RIPK3: variants seen among roughly 807,000 people sequenced by gnomAD.
RIPK3 encodes the protein receptor interacting serine/threonine kinase 3, also known as receptor-interacting serine/threonine-protein kinase 3.
A neutral mutation model predicts 51.6 loss-of-function variants in RIPK3; 51 were observed. The ratio of observed to expected loss-of-function variants is 0.99; its 90% confidence interval spans 0.79 to 1.25. RIPK3 has a LOEUF of 1.25. RIPK3 is among the 50% of genes most tolerant of loss of function. The probability of loss-of-function intolerance (pLI) is 0.00; values close to 1 mark genes in which losing one functional copy is unlikely to be tolerated. For missense variants in RIPK3, 654 were observed against 650.4 expected (o/e 1.01, Z -0.06); for synonymous variants, 246 against 257.7 (o/e 0.95, Z 0.44).
Position 24,337,531 on chromosome 14 carries a change from C to T in RIPK3, c.901-71G>A, listed in dbSNP as rs975945291. ...GAGTAAACCCAAGGGAGTAGTCTCT[C>T]GGTCCATAATCTGTTGTCTGGGAAC... On this transcript the variant is annotated intron_variant, in intron 7 of 9. Coordinates refer to ENST00000216274, the MANE Select transcript of RIPK3 (RefSeq NM_006871.4). The T allele has an allele frequency of 5.5e-5, 89 of 1,610,718 alleles. No individual in the cohort carries two copies. The East Asian group carries it at 1.3e-3, about 24-fold the overall frequency.
chr14:24,336,560 T>C, intron 9 of RIPK3, 165 bp from the exon 10 acceptor site: 2 of 1,015,872 alleles, frequency 2.0e-6, no homozygotes, highest in South Asian at 3.4e-5. Flanking sequence ...GCAGAAGCTC[T>C]AGAGAGTGGC....
chr14:24,338,703 G>C, intron 3 of RIPK3, 136 bp from the exon 4 acceptor site: 1 of 1,243,250 alleles, frequency 8.0e-7, no homozygotes, highest in Non-Finnish European at 1.1e-6. Flanking sequence ...GGTTCCCTTG[G>C]ATGGTAGATC....
At chr14:24,336,704 G>C in intron 9 of RIPK3, 181 bp downstream of exon 9, 1 of 715,210 alleles carries the variant, frequency 1.4e-6, no homozygotes, top group Admixed American at 2.3e-5. Context: ...GCTTTGTTGT[G>C]TGACCTCAGA....
Position 24,339,225 on chromosome 14 carries a change from AT to A in RIPK3, c.260del (p.Asp87ValfsTer7). The A allele has an allele frequency of 6.2e-7, 1 of 1,614,142 alleles. No individual in the cohort carries two copies. The highest frequency in any genetic ancestry group is 8.5e-7 in the Non-Finnish European group (1 of 1,180,012). On this transcript the variant is annotated frameshift_variant, in exon 3 of 10. Coordinates refer to ENST00000216274, the MANE Select transcript of RIPK3 (RefSeq NM_006871.4). LOFTEE classifies it high-confidence loss of function. The surrounding 1 kb of genome is among the most constrained non-coding windows in gnomAD (Gnocchi z 4.0). ...GVIEKVNWDQ[D>X]PKPALVTKFM... ...ATTTAGTCACCAGAGCCGGCTTGGG[AT>A]CTTGGTCCCAGTTCACCTTCTCGAT...
Position 24,339,008 on chromosome 14 carries a change from A to G in RIPK3, c.471+7T>C. 1 of 1,611,434 alleles carries G rather than the reference A, an allele frequency of 6.2e-7. No individual in the cohort carries two copies. Among genetic ancestry groups the G allele is most frequent in the Middle Eastern group, 1.7e-4 (1 of 6,058 alleles). Reference sequence around the variant, plus strand: ...CTTGAGGCTGAGAGGGGTGTAGACCAGCTGACCTTGACGTGCAGCTCTGGG... The same window carrying G: ...CTTGAGGCTGAGAGGGGTGTAGACCGGCTGACCTTGACGTGCAGCTCTGGG... On this transcript the variant is annotated splice_region_variant and intron_variant, in intron 3 of 9. Coordinates refer to ENST00000216274, the MANE Select transcript of RIPK3 (RefSeq NM_006871.4). The surrounding 1 kb of genome is among the most constrained non-coding windows in gnomAD (Gnocchi z 4.0).
At chr14:24,338,189 G>A in intron 5 of RIPK3, 60 bp downstream of exon 5, 3 of 1,537,522 alleles carry the variant, frequency 2.0e-6, no homozygotes, top group Non-Finnish European at 2.6e-6. Flanking sequence ...GGGAAGCCTT[G>A]GGGCTTTCAA....
At position 24,338,994 on chromosome 14, in the gene RIPK3, G is replaced by C. The variant is rs748288724; in HGVS notation, c.471+21C>G. 5 of 1,595,430 alleles carry C rather than the reference G, an allele frequency of 3.1e-6. No homozygotes were observed. In the East Asian group the frequency reaches 8.9e-5, roughly 28 times the overall value. On this transcript the variant is annotated intron_variant, in intron 3 of 9. Coordinates refer to ENST00000216274, the MANE Select transcript of RIPK3 (RefSeq NM_006871.4). ...CTCTGGGGCCTTGTCTTGAGGCTGA[G>C]AGGGGTGTAGACCAGCTGACCTTGA...
At chr14:24,337,493 C>G (rs774825616) in intron 7 of RIPK3, 33 bp from the exon 8 acceptor site, 1 of 1,610,608 alleles carries the variant, frequency 6.2e-7, no homozygotes, top group South Asian at 1.1e-5. Context: ...CTGGGTATGA[C>G]TTGGATGAGC....
rs761410881 is a variant in RIPK3, at chr14:24,337,860, C to A, written c.832+13G>T. 6.2e-7 allele frequency: 1 copy of A among 1,613,634 alleles called. No homozygotes were observed. Among genetic ancestry groups the A allele is most frequent in the East Asian group, 2.2e-5 (1 of 44,870 alleles). ...CCAAGCTTATCCTAGATCCAGCTAA[C>A]TGGCCAGCTCACCCTGGAAGGAGGG... On this transcript the variant is annotated intron_variant, in intron 6 of 9. Coordinates refer to ENST00000216274, the MANE Select transcript of RIPK3 (RefSeq NM_006871.4).
intron 9 of RIPK3, 50 bp from the exon 10 acceptor site, chr14:24,336,445 C>T: frequency 6.3e-7 from 1 of 1,587,996 alleles, no homozygotes; most frequent in Non-Finnish European, 8.6e-7. Context: ...GTCAGAAAGG[C>T]CAAGTTGGGG....
chr14:24,339,369 A>T lies in RIPK3; in HGVS notation c.162-45T>A. ...TGGAGTCGCACCGGGGTCGTGGGAAAATCCCTCCCTTCGCCATTCAGGCCC... is the reference window on the plus strand; with the variant it reads ...TGGAGTCGCACCGGGGTCGTGGGAATATCCCTCCCTTCGCCATTCAGGCCC... On this transcript the variant is annotated intron_variant, in intron 2 of 9. Coordinates refer to ENST00000216274, the MANE Select transcript of RIPK3 (RefSeq NM_006871.4). The surrounding 1 kb of genome is among the most constrained non-coding windows in gnomAD (Gnocchi z 4.0). The T allele has an allele frequency of 6.2e-7, 1 of 1,608,216 alleles. No homozygotes were observed. Among genetic ancestry groups the T allele is most frequent in the Non-Finnish European group, 8.5e-7 (1 of 1,175,646 alleles).
intron 7 of RIPK3, 105 bp from the exon 8 acceptor site, chr14:24,337,565 G>A (rs1380561867): frequency 1.3e-6 from 2 of 1,597,898 alleles, no homozygotes; most frequent in Admixed American, 1.7e-5. Flanking sequence ...ACTCAGGGGT[G>A]GGCTGGGGAC....
chr14:24,339,662 G>A lies in RIPK3; in HGVS notation c.21-65C>T, dbSNP rs1223481392. On this transcript the variant is annotated intron_variant, in intron 1 of 9. Transcript: ENST00000216274. The surrounding 1 kb of genome is among the most constrained non-coding windows in gnomAD (Gnocchi z 4.0). ...CCTCAGCGCTGCTCCCCGCGCCCCTGTGACTCGGCGTTCTCACTGCAATCC... is the reference window on the plus strand; with the variant it reads ...CCTCAGCGCTGCTCCCCGCGCCCCTATGACTCGGCGTTCTCACTGCAATCC... The A allele has an allele frequency of 6.2e-6, 10 of 1,604,656 alleles. No homozygotes were observed. The African/African-American group carries it at 1.2e-4, about 19-fold the overall frequency.
chr14:24,338,373 C>T, intron 4 of RIPK3, 49 bp downstream of exon 4: 1 of 1,578,956 alleles, frequency 6.3e-7, no homozygotes, highest in Non-Finnish European at 8.6e-7. Context: ...CTGGGAGGGC[C>T]CAGAGAAGTG....
chr14:24,338,876 C>T, intron 3 of RIPK3, 139 bp downstream of exon 3: 2 of 753,376 alleles, frequency 2.7e-6, no homozygotes, highest in East Asian at 2.7e-5. Flanking sequence ...TGGGCTTTGT[C>T]CCCTGGCAGC....
At chr14:24,337,668 C>T in intron 7 of RIPK3, 27 bp downstream of exon 7, 1 of 1,586,116 alleles carries the variant, frequency 6.3e-7, no homozygotes, top group Non-Finnish European at 8.7e-7. Context: ...TGACCAGCTC[C>T]TGGGGAGGGG....
At chr14:24,338,172 C>A (rs531752047) in intron 5 of RIPK3, 77 bp downstream of exon 5, 14 of 1,548,228 alleles carry the variant, frequency 9.0e-6, no homozygotes, top group Non-Finnish European at 1.2e-5. Flanking sequence ...AGTAGGTGAG[C>A]GGGAAGGGGA....
Position 24,337,085 on chromosome 14 carries a change from C to G in RIPK3, c.1275+1G>C, listed in dbSNP as rs1358343303. ...ATCCCCTAATCCTGTCAATGTCTCA[C>G]CTGATTCCCTCGGGGTCCAGGACTT... is the stretch of plus-strand genomic sequence containing the variant. On this transcript the variant is annotated splice_donor_variant, in intron 8 of 9. Coordinates refer to ENST00000216274, the MANE Select transcript of RIPK3 (RefSeq NM_006871.4). LOFTEE classifies it high-confidence loss of function. 6.2e-7 allele frequency: 1 copy of G among 1,612,376 alleles called. No individual in the cohort carries two copies. The highest frequency in any genetic ancestry group is 2.2e-5 in the East Asian group (1 of 44,876).
rs2042168747 is a variant in RIPK3 at position 24,339,522 on chromosome 14, G to T, written c.96C>A (p.Phe32Leu). 6.2e-7 allele frequency: 1 copy of T among 1,614,138 alleles called. No individual in the cohort carries two copies. Among genetic ancestry groups the T allele is most frequent in the African/African-American group, 1.3e-5 (1 of 75,018 alleles). Residue 32 changes from phenylalanine to leucine, a missense_variant, in exon 2 of 10, where the codon TTC (phenylalanine) becomes TTA (leucine). Transcript: ENST00000216274. The surrounding 1 kb of genome is among the most constrained non-coding windows in gnomAD (Gnocchi z 4.0). The stretch of plus-strand genomic sequence containing the variant: ...TATGTTGCGCCCGGAACACTGTGCC[G>T]AACCCGCCTTTGCCGACGAGCTCCT... The part of the protein sequence containing the change: ...ENQELVGKGG[F>L]GTVFRAQHRK...
Sources: allele counts gnomAD v4.1 joint callset, GRCh38; gene constraint gnomAD v4.1.1; non-coding constraint Gnocchi (gnomAD v3.1); transcripts MANE v1.5; gene names NCBI Gene and HGNC (gene_info 2026-07-23, HGNC 2026-07-21).